DIAPH2: variants seen among roughly 807,000 people sequenced by gnomAD.
The protein encoded by DIAPH2 is diaphanous related formin 2.
DIAPH2 carries 35 observed loss-of-function variants against 92.7 expected under a neutral mutation model. The ratio of observed to expected loss-of-function variants is 0.38; its 90% confidence interval spans 0.29 to 0.50. DIAPH2 has a LOEUF of 0.50. Among genes scored for constraint, DIAPH2 ranks in the 20% least tolerant of loss-of-function variants. The pLI is 0.94. For synonymous variants in DIAPH2, 301 were observed against 280.4 expected (o/e 1.07, Z -0.73); for missense variants, 701 against 819.5 (o/e 0.86, Z 1.77).
chrX:96,961,730 A>T (rs2065850160), intron 16 of DIAPH2, among the ~76,000 whole-genome samples: 1 of 109,481 alleles, frequency 9.1e-6, no homozygotes, highest in Non-Finnish European at 1.9e-5. Flanking sequence ...TTTAATTTTC[A>T]CTTACATTAA....
chrX:96,848,858 C>G lies in DIAPH2; in HGVS notation c.448-32721C>G, dbSNP rs759144687. ...GAAGAGAATCTTAAAGGGCACAAGCCTGTTGGCAGAGATATTCTTAAGTGA... is the reference window on the plus strand; with the variant it reads ...GAAGAGAATCTTAAAGGGCACAAGCGTGTTGGCAGAGATATTCTTAAGTGA... On this transcript the variant is annotated intron_variant, in intron 4 of 26. Transcript: ENST00000324765. 8.9e-5 allele frequency among the ~76,000 whole-genome samples: 10 copies of G among 111,975 alleles called. No homozygotes were observed. The East Asian group carries it at 2.2e-3, about 25-fold the overall frequency.
chrX:97,533,858 G>A (rs1207292685), intron 26 of DIAPH2, among the ~76,000 whole-genome samples: 1 of 111,246 alleles, frequency 9.0e-6, no homozygotes, highest in Admixed American at 9.6e-5. Flanking sequence ...AATTTACTCT[G>A]GTAATTTTCT....
At chrX:96,854,124 T>A (rs1171494514) in intron 4 of DIAPH2, among the ~76,000 whole-genome samples, 1 of 111,407 alleles carries the variant, frequency 9.0e-6, no homozygotes, top group Non-Finnish European at 1.9e-5. Context: ...ACCCCTATAT[T>A]CTTACTCATT....
chrX:96,864,985 G>T (rs1304211630), intron 4 of DIAPH2, among the ~76,000 whole-genome samples: 1 of 111,874 alleles, frequency 8.9e-6, no homozygotes, highest in Non-Finnish European at 1.9e-5. Context: ...TCTTCCAAAA[G>T]AGCTCTAATA....
intron 12 of DIAPH2, among the ~76,000 whole-genome samples, chrX:96,939,598 A>G (rs1481317638): frequency 8.9e-5 from 5 of 56,491 alleles, no homozygotes; most frequent in African/African-American, 3.0e-4. Flanking sequence ...GTGTGTGTGT[A>G]TATACACACA....
chrX:97,249,187 T>G (rs2068166606), intron 23 of DIAPH2, among the ~76,000 whole-genome samples: 1 of 111,807 alleles, frequency 8.9e-6, no homozygotes, highest in Non-Finnish European at 1.9e-5. Flanking sequence ...CTTTTTCTTT[T>G]GAACATTTTC....
chrX:96,795,498 T>TA (rs1311114311), intron 4 of DIAPH2, among the ~76,000 whole-genome samples: 1 of 111,831 alleles, frequency 8.9e-6, no homozygotes, highest in African/African-American at 3.2e-5. Flanking sequence ...CCTATTTTTT[T>TA]AAAAACTATT....
At chrX:97,472,612 T>C (rs1406853879) in intron 26 of DIAPH2, among the ~76,000 whole-genome samples, 1 of 112,138 alleles carries the variant, frequency 8.9e-6, no homozygotes, top group Non-Finnish European at 1.9e-5. Context: ...TGCAAATGAA[T>C]GGAGTGTTGA....
intron 4 of DIAPH2, among the ~76,000 whole-genome samples, chrX:96,796,305 G>A (rs1315940033): frequency 2.7e-5 from 3 of 110,366 alleles, no homozygotes; most frequent in Admixed American, 9.6e-5. Context: ...TCAGCCTCCC[G>A]AGTAGCTGGG....
chrX:96,779,982 G>T (rs943622162), intron 4 of DIAPH2, among the ~76,000 whole-genome samples: 1 of 111,962 alleles, frequency 8.9e-6, no homozygotes, highest in Non-Finnish European at 1.9e-5. Flanking sequence ...AAGACCAGAT[G>T]AATTCATTTT....
chrX:96,909,388 A>T (rs1477748540), intron 5 of DIAPH2, among the ~76,000 whole-genome samples: 3 of 109,188 alleles, frequency 2.7e-5, no homozygotes, highest in East Asian at 2.9e-4. Context: ...AGGCTGGGGG[A>T]GGGGGGTGGA....
chrX:97,391,811 A>G (rs746214812), intron 25 of DIAPH2, among the ~76,000 whole-genome samples: 1 of 111,528 alleles, frequency 9.0e-6, no homozygotes, highest in African/African-American at 3.3e-5. Context: ...ATAATAGTAT[A>G]AAGCAAACAC....
chrX:97,353,558 C>T (rs2069238453), intron 24 of DIAPH2, among the ~76,000 whole-genome samples: 2 of 110,970 alleles, frequency 1.8e-5, no homozygotes, highest in South Asian at 7.5e-4. Flanking sequence ...TGTCCTCATT[C>T]TGTACCTCAT....
intron 17 of DIAPH2, among the ~76,000 whole-genome samples, chrX:97,007,870 C>G (rs1363432417): frequency 9.9e-6 from 1 of 101,470 alleles, no homozygotes; most frequent in South Asian, 4.9e-4. Flanking sequence ...TCACGCCATT[C>G]TCCTGCCTCA....
intron 4 of DIAPH2, among the ~76,000 whole-genome samples, chrX:96,834,866 A>G (rs2064877294): frequency 1.8e-5 from 2 of 111,808 alleles, no homozygotes; most frequent in Non-Finnish European, 3.8e-5. Context: ...TTGCAAAACA[A>G]TGATTCTTAA....
intron 1 of DIAPH2, among the ~76,000 whole-genome samples, chrX:96,689,904 AT>A (rs1201927797): frequency 9.1e-6 from 1 of 110,206 alleles, no homozygotes; most frequent in Non-Finnish European, 1.9e-5. Context: ...TTAGCTGGGG[AT>A]TTTTTTCCCC....
chrX:97,586,849 G>A (rs775793062), intron 26 of DIAPH2, among the ~76,000 whole-genome samples: 19 of 111,774 alleles, frequency 1.7e-4, no homozygotes, highest in Non-Finnish European at 3.0e-4. Context: ...TATGCTAACC[G>A]CATTTGAGAG....
intron 23 of DIAPH2, among the ~76,000 whole-genome samples, chrX:97,260,770 C>T (rs2068281959): frequency 8.9e-6 from 1 of 111,796 alleles, no homozygotes; most frequent in South Asian, 3.7e-4. Flanking sequence ...CTCTGTGAAC[C>T]TTGTGGGAGC....
At chrX:96,821,227 C>A (rs1470017160) in intron 4 of DIAPH2, among the ~76,000 whole-genome samples, 1 of 112,318 alleles carries the variant, frequency 8.9e-6, no homozygotes, top group Non-Finnish European at 1.9e-5. Flanking sequence ...TGCTCATAAG[C>A]CAAAAGTCAA....
Sources: gnomAD v4.1 joint callset for allele counts (sites outside exome capture counted in the v4.1 genomes callset) on GRCh38, gnomAD v4.1.1 for gene constraint, MANE v1.5 for transcripts, NCBI Gene and HGNC (gene_info 2026-07-23, HGNC 2026-07-21) for gene names.